GDPD1: variants seen among roughly 807,000 people sequenced by gnomAD.
GDPD1 encodes the protein lysophospholipase D GDPD1.
GDPD1 carries 28 observed loss-of-function variants against 45.1 expected under a neutral mutation model. The ratio of observed to expected loss-of-function variants is 0.62; its 90% CI spans 0.46 to 0.85. The LOEUF is 0.85. Ranked by LOEUF, GDPD1 falls within the 40% of genes least tolerant of loss-of-function variation. The pLI is 0.00. For missense variants in GDPD1, 256 were observed against 364.8 expected (o/e 0.70, Z 2.43); for synonymous variants, 139 against 131.4 (o/e 1.06, Z -0.40).
chr17:59,275,280 T>A lies in GDPD1; in HGVS notation c.*1507T>A. On this transcript the variant is annotated 3_prime_UTR_variant, in exon 10 of 10. Transcript: ENST00000284116. The stretch of plus-strand genomic sequence containing the variant: ...GTGTAGTTATTTGGCAAGTTATACA[T>A]AATCAGCAGCAGCCAGGCTCAAGAA... 4.5e-6 allele frequency: 5 copies of A among 1,110,188 alleles called. No homozygotes were observed. The East Asian group carries it at 1.3e-4, about 29-fold the overall frequency. The allele number at this position is 1,110,188 out of a possible 1,614,324, so 68.8% of individuals were successfully genotyped here.
chr17:59,268,243 C>T (rs531085307), intron 7 of GDPD1, among the ~76,000 whole-genome samples: 1 of 151,990 alleles, frequency 6.6e-6, no homozygotes, highest in Non-Finnish European at 1.5e-5. Flanking sequence ...AATTTGGAAT[C>T]GTTGGGGAGA....
At position 59,275,065 on chromosome 17, in the gene GDPD1, C is replaced by T; in HGVS notation, c.*1292C>T. Reference sequence around the variant, plus strand: ...CCACGTTGGCCAGACTGGTCTCGAACTCCTGACCTCAGGTGATCCACCCAC... The same window carrying T: ...CCACGTTGGCCAGACTGGTCTCGAATTCCTGACCTCAGGTGATCCACCCAC... On this transcript the variant is annotated 3_prime_UTR_variant, in exon 10 of 10. Coordinates refer to ENST00000284116, the MANE Select transcript of GDPD1 (RefSeq NM_182569.4). 9.5e-7 allele frequency: 1 copy of T among 1,051,226 alleles called. No individual in the cohort carries two copies. Among genetic ancestry groups the T allele is most frequent in the Admixed American group, 2.0e-5 (1 of 49,782 alleles). 65.1% of individuals were successfully genotyped at this position (1,051,226 alleles called of 1,614,324 possible).
rs2047472549 is a variant in GDPD1 at position 59,275,134 on chromosome 17, A to G, written c.*1361A>G. 3 of 1,535,566 alleles carry G rather than the reference A, an allele frequency of 2.0e-6. No individual in the cohort carries two copies. Among genetic ancestry groups the G allele is most frequent in the Non-Finnish European group, 1.7e-6 (2 of 1,145,708 alleles). On this transcript the variant is annotated 3_prime_UTR_variant, in exon 10 of 10. Coordinates refer to ENST00000284116, the MANE Select transcript of GDPD1 (RefSeq NM_182569.4). ...TGGGATTACAGGTTTGAACCACTGCACCCGGCCAGTAAAAGAAATTTTGAA... is the reference window on the plus strand; with the variant it reads ...TGGGATTACAGGTTTGAACCACTGCGCCCGGCCAGTAAAAGAAATTTTGAA...
At chr17:59,255,851 ACACACG>A (rs1252874486) in intron 4 of GDPD1, among the ~76,000 whole-genome samples, 100 of 86,642 alleles carry the variant, frequency 1.2e-3, no homozygotes, top group African/African-American at 6.7e-3. Context: ...ATATATATAT[ACACACG>A]TATATATATA....
At chr17:59,256,501 A>G (rs1210288552) in intron 4 of GDPD1, among the ~76,000 whole-genome samples, 1 of 152,174 alleles carries the variant, frequency 6.6e-6, no homozygotes, top group African/African-American at 2.4e-5. Context: ...CCTGAATGTT[A>G]TTTTTAATCT....
At chr17:59,254,360 C>CAAA (rs1198335465) in intron 4 of GDPD1, among the ~76,000 whole-genome samples, 61 of 62,136 alleles carry the variant, frequency 9.8e-4, no homozygotes, top group African/African-American at 3.1e-3. Flanking sequence ...GACTCCGTCT[C>CAAA]AAAAAAAAAA....
At chr17:59,255,029 A>T (rs957654154) in intron 4 of GDPD1, among the ~76,000 whole-genome samples, 1 of 152,244 alleles carries the variant, frequency 6.6e-6, no homozygotes, top group African/African-American at 2.4e-5. Flanking sequence ...GAAGTATAGT[A>T]ACAGACTTTT....
At position 59,237,962 on chromosome 17, in the gene GDPD1, T is replaced by TA. The variant is rs61080306; in HGVS notation, c.185+3452dup. On this transcript the variant is annotated intron_variant, in intron 2 of 9. Coordinates refer to ENST00000284116, the MANE Select transcript of GDPD1 (RefSeq NM_182569.4). ...TGGGCAACAGAGCAAGACTCCGTCT[T>TA]AAAAAAAAAAAAAAAAAAAAAAAAG... 8.3e-3 allele frequency among the ~76,000 whole-genome samples: 714 copies of TA among 85,528 alleles called. 10 individuals are homozygous for TA. Among genetic ancestry groups the TA allele is most frequent in the South Asian group, 0.013 (32 of 2,480 alleles). The allele number at this position is 85,528 out of a possible 152,430, so 56.1% of individuals were successfully genotyped here. A position where few individuals can be genotyped will look rare whatever the true frequency, so the allele number is the denominator to read the frequency against.
intron 1 of GDPD1, among the ~76,000 whole-genome samples, chr17:59,225,803 C>T (rs1030190049): frequency 3.9e-5 from 6 of 152,134 alleles, no homozygotes; most frequent in African/African-American, 1.4e-4. Flanking sequence ...CTCACAGCAA[C>T]TTCCACCTCT....
chr17:59,255,895 A>G (rs1035150098), intron 4 of GDPD1, among the ~76,000 whole-genome samples: 1 of 141,826 alleles, frequency 7.1e-6, no homozygotes, highest in Non-Finnish European at 1.5e-5. Context: ...ACACACACAT[A>G]TATATATATG....
intron 6 of GDPD1, among the ~76,000 whole-genome samples, chr17:59,265,638 C>T (rs1254482598): frequency 6.7e-6 from 1 of 149,568 alleles, no homozygotes; most frequent in Admixed American, 6.7e-5. Context: ...TGGCTCACAC[C>T]TGTATTCCCA....
At chr17:59,223,962 AC>A (rs1178456129) in intron 1 of GDPD1, among the ~76,000 whole-genome samples, 1 of 151,390 alleles carries the variant, frequency 6.6e-6, no homozygotes, top group African/African-American at 2.4e-5. Flanking sequence ...TTCTCTCTCC[AC>A]CTTTTTTTTG....
At position 59,245,477 on chromosome 17, in the gene GDPD1, T is replaced by A. The variant is rs2047203169; in HGVS notation, c.249T>A (p.Val83=). 2 of 1,610,008 alleles carry A rather than the reference T, an allele frequency of 1.2e-6. No homozygotes were observed. The highest frequency in any genetic ancestry group is 1.7e-6 in the Non-Finnish European group (2 of 1,176,438). Residue 83 remains valine (V), a synonymous_variant, in exon 3 of 10, where the codon GTT becomes GTA. Transcript: ENST00000284116. The part of the protein sequence containing the change: ...LDCHITKDEQ[V]VVSHDENLKR... ...GCCATATCACAAAAGATGAACAAGT[T>A]GTAGTGTCACATGATGAGAATCTAA...
chr17:59,223,552 GTC>G (rs2047022442), intron 1 of GDPD1, among the ~76,000 whole-genome samples: 3 of 152,250 alleles, frequency 2.0e-5, no homozygotes, highest in African/African-American at 7.2e-5. Flanking sequence ...GCAATCACTG[GTC>G]TCTCTGTGCA....
intron 9 of GDPD1, 118 bp from the exon 10 acceptor site, chr17:59,273,533 T>A (rs1235799921): frequency 4.1e-6 from 2 of 485,456 alleles, no homozygotes; most frequent in Non-Finnish European, 7.0e-6. Context: ...TTTATTTAAA[T>A]GATAGCTTTA....
At chr17:59,239,617 A>T (rs1047666566) in intron 2 of GDPD1, among the ~76,000 whole-genome samples, 1 of 152,022 alleles carries the variant, frequency 6.6e-6, no homozygotes, top group African/African-American at 2.4e-5. Context: ...TATTGTTCTA[A>T]TTTTTTTATC....
rs1332442767 is a variant in GDPD1, at chr17:59,272,926, T to G, written c.822+90T>G. 5 of 1,609,698 alleles carry G rather than the reference T, an allele frequency of 3.1e-6. No homozygotes were observed. In the Admixed American group the frequency reaches 8.4e-5, roughly 27 times the overall value. ...GGCAAGAACTTTTAACTGACTTAGT[T>G]TGGCCCTTGACTCTGATGCTGCTGC... On this transcript the variant is annotated intron_variant, in intron 9 of 9. Coordinates refer to ENST00000284116, the MANE Select transcript of GDPD1 (RefSeq NM_182569.4).
chr17:59,241,949 T>A (rs944452636), intron 2 of GDPD1, among the ~76,000 whole-genome samples: 1 of 152,072 alleles, frequency 6.6e-6, no homozygotes, highest in African/African-American at 2.4e-5. Context: ...AATAAAAGGA[T>A]GCTCAGTGTT....
In GDPD1 at chr17:59,249,071, G is replaced by A. The variant is rs527756447; in HGVS notation, c.367+286G>A. 3 of 224,146 alleles carry A rather than the reference G, an allele frequency of 1.3e-5. No individual in the cohort carries two copies. The East Asian group carries it at 2.8e-4, about 21-fold the overall frequency. The allele number at this position is 224,146 out of a possible 1,614,324, so 13.9% of individuals were successfully genotyped here. A position where few individuals can be genotyped will look rare whatever the true frequency, so the allele number is the denominator to read the frequency against. On this transcript the variant is annotated intron_variant, in intron 4 of 9. Transcript: ENST00000284116. ...TAGAATATTGCCGCAACTTATATTAGTCATCCATCAAAAAATATAATAAAA... is the reference window on the plus strand; with the variant it reads ...TAGAATATTGCCGCAACTTATATTAATCATCCATCAAAAAATATAATAAAA...
Sources: gnomAD v4.1 joint callset for allele counts (sites outside exome capture counted in the v4.1 genomes callset) on GRCh38, gnomAD v4.1.1 for gene constraint, MANE v1.5 for transcripts, NCBI Gene and HGNC (gene_info 2026-07-23, HGNC 2026-07-21) for gene names.